ICOS: variants seen among roughly 807,000 people sequenced by gnomAD.
ICOS encodes the protein inducible T-cell costimulator.
In ICOS, 15 loss-of-function variants were observed where a neutral mutation model predicts 24.6. That is an observed-to-expected ratio of 0.61 (90% confidence interval 0.41 to 0.94). ICOS has a LOEUF of 0.94. Among genes scored for constraint, ICOS ranks in the 40% least tolerant of loss-of-function variants. ICOS has a pLI of 0.00. For missense variants in ICOS, 200 were observed against 233.0 expected (o/e 0.86, Z 0.92); for synonymous variants, 89 against 77.5 (o/e 1.15, Z -0.78).
chr2:203,951,735 C>T (rs1441936328), intron 1 of ICOS, among the ~76,000 whole-genome samples: 1 of 152,194 alleles, frequency 6.6e-6, no homozygotes, highest in African/African-American at 2.4e-5. Context: ...ATTCTAAAGT[C>T]TCTGGGAAAT....
intron 1 of ICOS, among the ~76,000 whole-genome samples, chr2:203,948,816 A>T (rs1689917555): frequency 6.6e-6 from 1 of 152,228 alleles, no homozygotes; most frequent in African/African-American, 2.4e-5. Flanking sequence ...TGAAAATCAG[A>T]GAGAATGTTC....
chr2:203,952,018 A>G (rs1689986620), intron 1 of ICOS, among the ~76,000 whole-genome samples: 1 of 152,196 alleles, frequency 6.6e-6, no homozygotes, highest in Admixed American at 6.5e-5. Context: ...ATGCTTTTAA[A>G]CATACTTGTT....
chr2:203,946,260 T>C (rs1689865869), intron 1 of ICOS, among the ~76,000 whole-genome samples: 1 of 152,208 alleles, frequency 6.6e-6, no homozygotes, highest in Non-Finnish European at 1.5e-5. Context: ...AGAAAATCAA[T>C]CTTTCATTTT....
chr2:203,945,631 C>T (rs1277836715), intron 1 of ICOS, among the ~76,000 whole-genome samples: 1 of 152,120 alleles, frequency 6.6e-6, no homozygotes, highest in Non-Finnish European at 1.5e-5. Context: ...TGTTACTGTA[C>T]TGAATACTGC....
At chr2:203,940,103 CT>C (rs1359502201) in intron 1 of ICOS, among the ~76,000 whole-genome samples, 1 of 152,116 alleles carries the variant, frequency 6.6e-6, no homozygotes, top group East Asian at 1.9e-4. Context: ...TTCAAAGAAT[CT>C]TAATTGAATG....
At chr2:203,939,188 G>A (rs1689719594) in intron 1 of ICOS, among the ~76,000 whole-genome samples, 1 of 152,146 alleles carries the variant, frequency 6.6e-6, no homozygotes, top group Non-Finnish European at 1.5e-5. Flanking sequence ...GAACTCTAAT[G>A]TGACTCCAAC....
chr2:203,951,433 A>T (rs1689971232), intron 1 of ICOS, among the ~76,000 whole-genome samples: 1 of 152,150 alleles, frequency 6.6e-6, no homozygotes, highest in Non-Finnish European at 1.5e-5. Context: ...TCACTTCTTC[A>T]TTTCACGGAT....
At chr2:203,957,947 A>ATTTT in intron 4 of ICOS, 64 bp downstream of exon 4, 3 of 784,642 alleles carry the variant, frequency 3.8e-6, no homozygotes, top group Non-Finnish European at 4.1e-6. Context: ...TGGAATGTTA[A>ATTTT]TTTTTTTTTT....
At chr2:203,940,666 A>G (rs1334606059) in intron 1 of ICOS, among the ~76,000 whole-genome samples, 3 of 9,742 alleles carry the variant, frequency 3.1e-4, no homozygotes, top group African/African-American at 3.0e-3. Flanking sequence ...TTCCTTTGTA[A>G]AAAAAAAAAA....
At chr2:203,940,316 C>T (rs769246285) in intron 1 of ICOS, among the ~76,000 whole-genome samples, 4 of 152,178 alleles carry the variant, frequency 2.6e-5, no homozygotes, top group Non-Finnish European at 4.4e-5. Flanking sequence ...TGCTAGGTTT[C>T]CTCTTACAGT....
chr2:203,954,347 A>C (rs1404505913), intron 1 of ICOS, among the ~76,000 whole-genome samples: 1 of 152,194 alleles, frequency 6.6e-6, no homozygotes, highest in East Asian at 1.9e-4. Context: ...GCACTTTAAG[A>C]GGCTGAGGCA....
chr2:203,947,518 AG>A (rs1689894650), intron 1 of ICOS, among the ~76,000 whole-genome samples: 1 of 152,056 alleles, frequency 6.6e-6, no homozygotes, highest in South Asian at 2.1e-4. Flanking sequence ...CATGTTGGCC[AG>A]GATGGTCTCA....
rs1286005874 is a variant in ICOS at position 203,959,750 on chromosome 2, A to G, written c.*151A>G. ...TTGTTCAATCTGGAAGAATGACTGT[A>G]TCAGTCAATGGGGATTTTAACAGAC... On this transcript the variant is annotated 3_prime_UTR_variant, in exon 5 of 5. Transcript: ENST00000316386. 2.0e-5 allele frequency: 15 copies of G among 768,772 alleles called. No homozygotes were observed. Among genetic ancestry groups the G allele is most frequent in the Non-Finnish European group, 3.4e-5 (15 of 439,772 alleles). 47.6% of individuals were successfully genotyped at this position (768,772 alleles called of 1,614,324 possible).
At chr2:203,958,379 AT>A (rs1484851924) in intron 4 of ICOS, among the ~76,000 whole-genome samples, 1 of 152,154 alleles carries the variant, frequency 6.6e-6, no homozygotes, top group Non-Finnish European at 1.5e-5. Flanking sequence ...ATATCTGGTT[AT>A]TTTGAGGTAA....
intron 1 of ICOS, among the ~76,000 whole-genome samples, chr2:203,954,953 G>A (rs1199928294): frequency 6.6e-6 from 1 of 151,214 alleles, no homozygotes; most frequent in African/African-American, 2.4e-5. Flanking sequence ...TACAAAGTGA[G>A]CAATTTCTAT....
At position 203,959,723 on chromosome 2, in the gene ICOS, T is replaced by A; in HGVS notation, c.*124T>A. ...TAACTACATACATCTTCTGCTGGTGTTTTGTTCAATCTGGAAGAATGACTG... is the reference window on the plus strand; with the variant it reads ...TAACTACATACATCTTCTGCTGGTGATTTGTTCAATCTGGAAGAATGACTG... On this transcript the variant is annotated 3_prime_UTR_variant, in exon 5 of 5. Coordinates refer to ENST00000316386, the MANE Select transcript of ICOS (RefSeq NM_012092.4). 1.1e-6 allele frequency: 1 copy of A among 891,096 alleles called. No homozygotes were observed. The highest frequency in any genetic ancestry group is 1.9e-6 in the Non-Finnish European group (1 of 535,896). 55.2% of individuals were successfully genotyped at this position (891,096 alleles called of 1,614,324 possible).
At chr2:203,954,718 A>G (rs1690047523) in intron 1 of ICOS, among the ~76,000 whole-genome samples, 1 of 152,108 alleles carries the variant, frequency 6.6e-6, no homozygotes, top group South Asian at 2.1e-4. Flanking sequence ...CTGTCATTTG[A>G]AAATGATTAG....
In ICOS at chr2:203,951,572, T is replaced by C. The variant is rs909179031; in HGVS notation, c.59-4064T>C. On this transcript the variant is annotated intron_variant, in intron 1 of 4. Coordinates refer to ENST00000316386, the MANE Select transcript of ICOS (RefSeq NM_012092.4). ...ACCACACTGCACCGCCAACCATTCA[T>C]GTCCTCTTGTGTTTGCCACAGTGCG... Among the ~76,000 whole-genome samples, 2 of 152,188 alleles carry C rather than the reference T, an allele frequency of 1.3e-5. 1 individual carries two copies. The highest frequency in any genetic ancestry group is 4.1e-4 in the South Asian group (2 of 4,822).
intron 1 of ICOS, among the ~76,000 whole-genome samples, chr2:203,947,398 T>C (rs1420013779): frequency 6.6e-6 from 1 of 152,122 alleles, no homozygotes; most frequent in Non-Finnish European, 1.5e-5. Context: ...AACCTCTGAC[T>C]CCCTGGTTCA....
Sources: gnomAD v4.1 joint callset for allele counts (sites outside exome capture counted in the v4.1 genomes callset) on GRCh38, gnomAD v4.1.1 for gene constraint, MANE v1.5 for transcripts, NCBI Gene and HGNC (gene_info 2026-07-23, HGNC 2026-07-21) for gene names.